Variants in TNFAIP8 observed in about 807,000 individuals in gnomAD.
The protein encoded by TNFAIP8 is tumor necrosis factor alpha-induced protein 8.
A neutral mutation model predicts 13.3 loss-of-function variants in TNFAIP8; 7 were observed. The ratio of observed to expected loss-of-function variants is 0.52; its 90% CI spans 0.30 to 0.99. TNFAIP8 has a LOEUF of 0.99. Ranked by LOEUF, TNFAIP8 falls within the 50% of genes least tolerant of loss-of-function variation. The pLI is 0.07. For missense variants in TNFAIP8, 258 were observed against 236.9 expected (o/e 1.09, Z -0.58); for synonymous variants, 94 against 87.6 (o/e 1.07, Z -0.41).
chr5:119,367,041 T>C (rs190943041), intron 1 of TNFAIP8, among the ~76,000 whole-genome samples: 173 of 152,270 alleles, frequency 1.1e-3, no homozygotes, highest in African/African-American at 3.9e-3. Context: ...TAATTGCTGC[T>C]AGGAGAGGCA....
chr5:119,329,721 G>T (rs556090177), intron 1 of TNFAIP8, among the ~76,000 whole-genome samples: 1 of 151,928 alleles, frequency 6.6e-6, no homozygotes, highest in Admixed American at 6.5e-5. Context: ...GGGTTTTGGC[G>T]AGGAGTGAGT....
chr5:119,353,728 ATATCT>A (rs1751271248), upstream of TNFAIP8, among the ~76,000 whole-genome samples: 1 of 152,236 alleles, frequency 6.6e-6, no homozygotes, highest in South Asian at 2.1e-4. Flanking sequence ...GTATTTTAAC[ATATCT>A]TATGTGGTTT....
intron 1 of TNFAIP8, among the ~76,000 whole-genome samples, chr5:119,282,928 C>G (rs10519575): frequency 0.084 from 12,743 of 152,274 alleles, 738 homozygotes; most frequent in African/African-American, 0.16. Context: ...ACACTGTGTT[C>G]AGCTTTTAAA....
intron 1 of TNFAIP8, among the ~76,000 whole-genome samples, chr5:119,306,180 A>T (rs1258922410): frequency 6.6e-6 from 1 of 152,216 alleles, no homozygotes; most frequent in Non-Finnish European, 1.5e-5. Flanking sequence ...TGCCTAAATG[A>T]TCAGAAAACA....
chr5:119,323,445 A>G (rs1750122883), intron 1 of TNFAIP8, among the ~76,000 whole-genome samples: 1 of 152,218 alleles, frequency 6.6e-6, no homozygotes, highest in African/African-American at 2.4e-5. Flanking sequence ...AGAGTCTAAC[A>G]TAGGGCACAG....
chr5:119,338,002 C>T (rs17164572), intron 1 of TNFAIP8, among the ~76,000 whole-genome samples: 15,972 of 152,200 alleles, frequency 0.1, 1,052 homozygotes, highest in African/African-American at 0.2. Flanking sequence ...CAGGGCTTTC[C>T]GCTGATTTGC....
At chr5:119,338,336 T>C (rs1263301655) in intron 1 of TNFAIP8, among the ~76,000 whole-genome samples, 1 of 152,096 alleles carries the variant, frequency 6.6e-6, no homozygotes, top group Non-Finnish European at 1.5e-5. Flanking sequence ...TCAGGAAGGG[T>C]AGGGCAGCAT....
intron 1 of TNFAIP8, among the ~76,000 whole-genome samples, chr5:119,271,045 A>G (rs1292395961): frequency 6.6e-6 from 1 of 152,192 alleles, no homozygotes; most frequent in African/African-American, 2.4e-5. Flanking sequence ...ATTGCTAGAC[A>G]TAGTCTTTGT....
chr5:119,286,634 A>G (rs1328955052), intron 1 of TNFAIP8, among the ~76,000 whole-genome samples: 1 of 152,082 alleles, frequency 6.6e-6, no homozygotes, highest in Non-Finnish European at 1.5e-5. Context: ...AAAAAAAAAA[A>G]AAAAGTCCCA....
intron 1 of TNFAIP8, among the ~76,000 whole-genome samples, chr5:119,359,574 G>T (rs1233691394): frequency 6.6e-6 from 1 of 151,654 alleles, no homozygotes. Flanking sequence ...AAAAAGTTTA[G>T]TTGTTCCGTA....
chr5:119,394,342 G>T lies in TNFAIP8; in HGVS notation c.*961G>T, dbSNP rs1333860025. 6.6e-6 allele frequency: 1 copy of T among 152,188 alleles called. No homozygotes were observed. The highest frequency in any genetic ancestry group is 2.4e-5 in the African/African-American group (1 of 41,440). 9.4% of individuals were successfully genotyped at this position (152,188 alleles called of 1,614,324 possible). ...TGAGCATAAAAATGCGTGCGTTTCAGTGTTTAAGAAGGCTTGATAAAGAAT... is the reference window on the plus strand; with the variant it reads ...TGAGCATAAAAATGCGTGCGTTTCATTGTTTAAGAAGGCTTGATAAAGAAT... On this transcript the variant is annotated 3_prime_UTR_variant, in exon 2 of 2. Transcript: ENST00000504771.
intron 1 of TNFAIP8, among the ~76,000 whole-genome samples, chr5:119,294,499 A>G (rs1022035439): frequency 2.6e-5 from 4 of 152,298 alleles, no homozygotes; most frequent in South Asian, 4.1e-4. Context: ...TAGTGCCGCA[A>G]TAAACATACG....
intron 1 of TNFAIP8, among the ~76,000 whole-genome samples, chr5:119,284,559 T>C (rs1379840744): frequency 6.6e-6 from 1 of 152,050 alleles, no homozygotes; most frequent in Non-Finnish European, 1.5e-5. Flanking sequence ...TGCACGCCTG[T>C]AGTCCCAGCT....
intron 1 of TNFAIP8, among the ~76,000 whole-genome samples, chr5:119,362,193 T>G (rs1157421797): frequency 1.3e-5 from 2 of 152,118 alleles, no homozygotes; most frequent in African/African-American, 4.8e-5. Context: ...TCCAGCTAGT[T>G]CCTTTAAGCA....
intron 1 of TNFAIP8, among the ~76,000 whole-genome samples, chr5:119,332,403 G>T (rs1016996104): frequency 2.3e-4 from 35 of 152,198 alleles, no homozygotes; most frequent in African/African-American, 8.4e-4. Flanking sequence ...CAACCAGAAG[G>T]TGGCATAAAT....
chr5:119,360,271 G>A (rs959583953), intron 1 of TNFAIP8, among the ~76,000 whole-genome samples: 4 of 152,240 alleles, frequency 2.6e-5, no homozygotes, highest in African/African-American at 7.2e-5. Flanking sequence ...AGGACCCAGC[G>A]ATTGCATTTC....
In TNFAIP8 at chr5:119,298,849, C is replaced by T. The variant is rs902140375; in HGVS notation, c.1+29942C>T. Among the ~76,000 whole-genome samples, 293 of 152,256 alleles carry T rather than the reference C, an allele frequency of 1.9e-3. 1 individual carries two copies. The highest frequency in any genetic ancestry group is 6.4e-3 in the African/African-American group (267 of 41,520). ...CTAAACTTCCCTTCTCACTTCATTT[C>T]ATTCATTTCATCTTCCATCACTGAT... On this transcript the variant is annotated intron_variant, in intron 1 of 1. Transcript: ENST00000274456.
intron 1 of TNFAIP8, among the ~76,000 whole-genome samples, chr5:119,327,179 G>A (rs953870361): frequency 6.6e-6 from 1 of 152,168 alleles, no homozygotes; most frequent in African/African-American, 2.4e-5. Flanking sequence ...CCCCCATTGG[G>A]AATGATTTGC....
intron 1 of TNFAIP8, 26 bp downstream of exon 1, chr5:119,356,147 C>G (rs1465629927): frequency 6.4e-7 from 1 of 1,557,612 alleles, no homozygotes; most frequent in Non-Finnish European, 8.7e-7. Flanking sequence ...CTCCTGGGGG[C>G]CGGCCAAGTT....
Sources: allele counts gnomAD v4.1 joint callset (sites outside exome capture counted in the v4.1 genomes callset), GRCh38; gene constraint gnomAD v4.1.1; transcripts MANE v1.5; gene names NCBI Gene and HGNC (gene_info 2026-07-23, HGNC 2026-07-21).